SCHIP1: variants seen among roughly 807,000 people sequenced by gnomAD.
The protein encoded by SCHIP1 is schwannomin interacting protein 1, also known as schwannomin-interacting protein 1.
Under a neutral mutation model 29.7 loss-of-function variants are expected in SCHIP1, and 8 were observed. That is an observed-to-expected ratio of 0.27 (90% confidence interval 0.16 to 0.49). The LOEUF (loss-of-function observed/expected upper bound fraction) is 0.49, where lower values mean the gene tolerates loss of function less well. SCHIP1 is among the 20% of genes least tolerant of loss of function. The pLI, the probability that SCHIP1 is intolerant of heterozygous loss-of-function variation, is 0.99. For missense variants in SCHIP1, 193 were observed against 294.6 expected (o/e 0.66, Z 2.52); for synonymous variants, 76 against 94.9 (o/e 0.80, Z 1.16).
the SCHIP1 span, among the ~76,000 whole-genome samples, chr3:159,637,268 C>G: frequency 1.3e-5 from 2 of 152,122 alleles, no homozygotes; most frequent in South Asian, 4.1e-4. Context: ...AAAAAACAAT[C>G]TGTCATTTTG....
At chr3:159,369,665 A>AGTTT in the SCHIP1 span, among the ~76,000 whole-genome samples, 54,053 of 151,858 alleles carry the variant, frequency 0.36, 11,097 homozygotes, top group East Asian at 0.47. Flanking sequence ...TGAAGAAGTC[A>AGTTT]GTTTGGTACA....
chr3:159,869,418 T>G (rs1308239575), intron 2 of SCHIP1, among the ~76,000 whole-genome samples: 1 of 151,984 alleles, frequency 6.6e-6, no homozygotes, highest in Non-Finnish European at 1.5e-5. Flanking sequence ...TTTCTTGATA[T>G]GGTATGGAGA....
the SCHIP1 span, among the ~76,000 whole-genome samples, chr3:159,782,378 C>T: frequency 6.6e-6 from 1 of 152,222 alleles, no homozygotes; most frequent in Admixed American, 6.5e-5. Context: ...TGGAAGTTAG[C>T]CTCTGTAACC....
At chr3:159,696,630 C>T in the SCHIP1 span, among the ~76,000 whole-genome samples, 1 of 152,198 alleles carries the variant, frequency 6.6e-6, no homozygotes, top group Admixed American at 6.5e-5. Flanking sequence ...GTTTTCTACT[C>T]TCTGGTTCTT....
At chr3:159,500,024 C>T in the SCHIP1 span, among the ~76,000 whole-genome samples, 2 of 151,696 alleles carry the variant, frequency 1.3e-5, no homozygotes, top group Non-Finnish European at 2.9e-5. Flanking sequence ...AGAAGGAAAG[C>T]GACTTGCCAA....
the SCHIP1 span, among the ~76,000 whole-genome samples, chr3:159,453,949 AAGCTCC>A: frequency 1.6e-4 from 24 of 152,156 alleles, no homozygotes; most frequent in African/African-American, 5.6e-4. Flanking sequence ...TTCCAGCACC[AAGCTCC>A]TTCTACTCCA....
At chr3:159,489,559 G>T in the SCHIP1 span, among the ~76,000 whole-genome samples, 2 of 152,230 alleles carry the variant, frequency 1.3e-5, no homozygotes, top group East Asian at 3.9e-4. Flanking sequence ...TATGCTCTCT[G>T]ACCAGCATTC....
upstream of SCHIP1, among the ~76,000 whole-genome samples, chr3:159,839,622 CTT>C (rs1388559269): frequency 5.4e-5 from 4 of 74,766 alleles, no homozygotes; most frequent in South Asian, 1.9e-3. Flanking sequence ...TCTTTAAGGT[CTT>C]TTTCTTTTTT....
the SCHIP1 span, among the ~76,000 whole-genome samples, chr3:159,589,234 A>G: frequency 6.6e-6 from 1 of 152,156 alleles, no homozygotes; most frequent in East Asian, 1.9e-4. Flanking sequence ...GCAATTGTGG[A>G]TGCGAGTTCA....
At chr3:159,510,978 A>G in the SCHIP1 span, among the ~76,000 whole-genome samples, 4 of 152,324 alleles carry the variant, frequency 2.6e-5, no homozygotes, top group South Asian at 6.2e-4. Flanking sequence ...TGGGAGAACC[A>G]CTACTCTCTT....
chr3:159,594,938 G>A, the SCHIP1 span, among the ~76,000 whole-genome samples: 10 of 151,976 alleles, frequency 6.6e-5, no homozygotes, highest in African/African-American at 2.4e-4. Context: ...TAGACCCAGA[G>A]CCTAATTCTC....
chr3:159,472,823 G>T, the SCHIP1 span, among the ~76,000 whole-genome samples: 1 of 152,142 alleles, frequency 6.6e-6, no homozygotes, highest in East Asian at 1.9e-4. Flanking sequence ...GAGTGTATGT[G>T]GGGTGAGGGA....
the SCHIP1 span, chr3:159,764,748 G>A: frequency 7.6e-6 from 12 of 1,572,426 alleles, no homozygotes; most frequent in African/African-American, 5.4e-5. The surrounding 1 kb of genome is among the most constrained non-coding windows in gnomAD (Gnocchi z 6.1). Flanking sequence ...GGGAACCGGG[G>A]GACGTAAGCG....
At chr3:159,287,742 G>C in the SCHIP1 span, among the ~76,000 whole-genome samples, 1 of 152,146 alleles carries the variant, frequency 6.6e-6, no homozygotes, top group African/African-American at 2.4e-5. Context: ...GGGTCACAGA[G>C]ATGCTAAGTA....
At chr3:159,892,017 G>T in intron 5 of SCHIP1, 80 bp from the exon 7 acceptor site, 2 of 1,485,430 alleles carry the variant, frequency 1.3e-6, no homozygotes, top group South Asian at 1.3e-5. Flanking sequence ...CTGTTTGTGT[G>T]TATACTGGTT....
chr3:159,597,609 C>CT, the SCHIP1 span, among the ~76,000 whole-genome samples: 5 of 151,920 alleles, frequency 3.3e-5, no homozygotes, highest in Non-Finnish European at 5.9e-5. Flanking sequence ...ACATGATTTC[C>CT]TTTTTTTTAA....
upstream of SCHIP1, among the ~76,000 whole-genome samples, chr3:159,837,515 G>A (rs1743778821): frequency 6.6e-6 from 1 of 152,134 alleles, no homozygotes; most frequent in African/African-American, 2.4e-5. Flanking sequence ...CCAAGATCAG[G>A]AGTTCGAGAC....
the SCHIP1 span, among the ~76,000 whole-genome samples, chr3:159,371,240 T>C: frequency 6.6e-6 from 1 of 152,294 alleles, no homozygotes; most frequent in Middle Eastern, 3.4e-3. Context: ...TACATCATGA[T>C]GGTTGCTGAA....
At chr3:159,514,200 T>C in the SCHIP1 span, among the ~76,000 whole-genome samples, 4 of 152,110 alleles carry the variant, frequency 2.6e-5, no homozygotes. Context: ...CATGGAAAAC[T>C]ATGAATGTGC....
Sources: allele counts gnomAD v4.1 joint callset (sites outside exome capture counted in the v4.1 genomes callset), GRCh38; gene constraint gnomAD v4.1.1; non-coding constraint Gnocchi (gnomAD v3.1); transcripts MANE v1.5; gene names NCBI Gene and HGNC (gene_info 2026-07-23, HGNC 2026-07-21).